The following RANBP2 variants were observed in gnomAD, a reference collection of about 807,000 sequenced individuals.
RANBP2 encodes the protein E3 SUMO-protein ligase RanBP2.
Under a neutral mutation model 303.6 loss-of-function variants are expected in RANBP2, and 57 were observed. The ratio of observed to expected loss-of-function variants is 0.19; its 90% CI spans 0.15 to 0.23. The LOEUF (loss-of-function observed/expected upper bound fraction) is 0.23. Among genes scored for constraint, RANBP2 ranks in the 10% least tolerant of loss-of-function variants. The probability of loss-of-function intolerance (pLI) is 1.00; values close to 1 mark genes in which losing one functional copy is unlikely to be tolerated. For missense variants in RANBP2, 3,138 were observed against 3,780.8 expected, an observed-to-expected ratio of 0.83 and a Z score of 4.46; for synonymous variants, 1,167 against 1,301.5, an observed-to-expected ratio of 0.90 and a Z score of 2.23.
intron 4 of RANBP2, among the ~76,000 whole-genome samples, chr2:108,732,234 G>T (rs575686142): frequency 6.6e-6 from 1 of 151,992 alleles, no homozygotes; most frequent in Admixed American, 6.5e-5. Context: ...AGATTTTTTT[G>T]CACAGGAAGT....
At chr2:109,388,727 G>A in the RANBP2 span, among the ~76,000 whole-genome samples, 1 of 152,212 alleles carries the variant, frequency 6.6e-6, no homozygotes, top group Non-Finnish European at 1.5e-5. Flanking sequence ...CCTGCAAGAG[G>A]ATGAAGTAGG....
chr2:109,543,089 A>T, the RANBP2 span: 1 of 152,794 alleles, frequency 6.5e-6, no homozygotes, highest in African/African-American at 2.4e-5. Context: ...AAGAAATGTT[A>T]GAAATCATTA....
At chr2:108,742,160 C>T (rs1167796179) in intron 7 of RANBP2, among the ~76,000 whole-genome samples, 2 of 151,692 alleles carry the variant, frequency 1.3e-5, no homozygotes, top group African/African-American at 4.8e-5. Flanking sequence ...CCACGCCCGT[C>T]TAATTTTGTA....
At chr2:109,223,744 G>A in the RANBP2 span, among the ~76,000 whole-genome samples, 1 of 152,218 alleles carries the variant, frequency 6.6e-6, no homozygotes, top group Non-Finnish European at 1.5e-5. Context: ...TTGCAGAGCC[G>A]TGGAGGACAG....
the RANBP2 span, among the ~76,000 whole-genome samples, chr2:109,342,636 G>A: frequency 1.9e-3 from 293 of 152,312 alleles, 1 homozygote; most frequent in African/African-American, 6.3e-3. Flanking sequence ...GCTGCAGGCC[G>A]ACTCTGGCAC....
chr2:109,452,708 G>A, the RANBP2 span, among the ~76,000 whole-genome samples: 1 of 152,208 alleles, frequency 6.6e-6, no homozygotes, highest in Non-Finnish European at 1.5e-5. Flanking sequence ...GGTCCCAGGA[G>A]GCTGGTTCCC....
chr2:109,320,681 A>G, the RANBP2 span, among the ~76,000 whole-genome samples: 1 of 152,238 alleles, frequency 6.6e-6, no homozygotes, highest in Non-Finnish European at 1.5e-5. Flanking sequence ...TTGTAAAATT[A>G]CTGGCATTCC....
rs773017036 is a variant in RANBP2 at position 108,771,721 on chromosome 2, G to C, written c.7870G>C (p.Glu2624Gln). Residue 2624 changes from glutamate (E) to glutamine (Q), a missense_variant, in exon 21 of 29, where the codon GAA (glutamate) becomes CAA (glutamine). By Grantham distance (29) the Glu-to-Gln change is conservative (BLOSUM62 2). Around this residue, in one of 20 missense-constraint regions of RANBP2, gnomAD observed 497 missense variants for 465.8 expected, o/e 1.07. Transcript: ENST00000283195. ...TACAGCAAAAGAGAAGAAAAAACCTGAAGATTCTCCCTCAGATGATGATGT... is the reference window on the plus strand; with the variant it reads ...TACAGCAAAAGAGAAGAAAAAACCTCAAGATTCTCCCTCAGATGATGATGT... ...PEKAKEKKKP[E>Q]DSPSDDDVLI... The C allele has an allele frequency of 6.8e-6, 11 of 1,613,390 alleles. No homozygotes were observed. In the Middle Eastern group the frequency reaches 9.9e-4, roughly 145 times the overall value.
At chr2:109,161,690 A>ACAGT in the RANBP2 span, among the ~76,000 whole-genome samples, 1 of 152,052 alleles carries the variant, frequency 6.6e-6, no homozygotes, top group South Asian at 2.1e-4. Context: ...CAGAGATCAT[A>ACAGT]CAGTGAGAGA....
the RANBP2 span, among the ~76,000 whole-genome samples, chr2:109,371,072 T>C: frequency 6.6e-5 from 10 of 152,212 alleles, no homozygotes; most frequent in African/African-American, 9.6e-5. Context: ...ATGGGGCTCT[T>C]TGCAGCTATA....
the RANBP2 span, among the ~76,000 whole-genome samples, chr2:109,186,448 C>T: frequency 6.6e-6 from 1 of 152,238 alleles, no homozygotes; most frequent in Non-Finnish European, 1.5e-5. Context: ...AAACACTTCA[C>T]CGCCGTGCTG....
the RANBP2 span, among the ~76,000 whole-genome samples, chr2:109,330,517 G>A: frequency 6.6e-6 from 1 of 152,178 alleles, no homozygotes; most frequent in Non-Finnish European, 1.5e-5. Context: ...GTCCCCCCTT[G>A]TATTGTTAGA....
At chr2:108,955,764 T>C in the RANBP2 span, among the ~76,000 whole-genome samples, 1 of 151,080 alleles carries the variant, frequency 6.6e-6, no homozygotes, top group Non-Finnish European at 1.5e-5. Context: ...CGGTGGCTCA[T>C]GCCTGTAATC....
the RANBP2 span, among the ~76,000 whole-genome samples, chr2:108,867,848 A>T: frequency 2.0e-5 from 3 of 152,244 alleles, no homozygotes; most frequent in Non-Finnish European, 4.4e-5. Context: ...AAGCCTTACT[A>T]ACTAGACATC....
At chr2:109,705,838 G>T in the RANBP2 span, among the ~76,000 whole-genome samples, 1 of 152,192 alleles carries the variant, frequency 6.6e-6, no homozygotes. Context: ...CCAGGTTTTA[G>T]GAAATGGTTA....
chr2:108,787,192 G>A (rs1393014899), downstream of RANBP2, among the ~76,000 whole-genome samples: 1 of 152,174 alleles, frequency 6.6e-6, no homozygotes, highest in African/African-American at 2.4e-5. Flanking sequence ...TTTTTGCAGT[G>A]ATGTGAGTGG....
At chr2:109,263,116 G>A in the RANBP2 span, among the ~76,000 whole-genome samples, 1 of 152,290 alleles carries the variant, frequency 6.6e-6, no homozygotes. Flanking sequence ...AAAGGGCTGG[G>A]ATTATAGGCG....
the RANBP2 span, among the ~76,000 whole-genome samples, chr2:109,421,484 C>T: frequency 6.6e-6 from 1 of 152,308 alleles, no homozygotes; most frequent in Non-Finnish European, 1.5e-5. Context: ...GGCATGTCAC[C>T]CCTCAAGAGT....
chr2:109,098,809 G>T, the RANBP2 span, among the ~76,000 whole-genome samples: 2 of 152,348 alleles, frequency 1.3e-5, no homozygotes, highest in Non-Finnish European at 2.9e-5. Flanking sequence ...AAGTATCTGT[G>T]TCTGTCTGTC....
Sources: gnomAD v4.1 joint callset for allele counts (sites outside exome capture counted in the v4.1 genomes callset) on GRCh38, gnomAD v4.1.1 for gene constraint, gnomAD v4.1.1 regional missense constraint, MANE v1.5 for transcripts, NCBI Gene and HGNC (gene_info 2026-07-23, HGNC 2026-07-21) for gene names.